Variants in SLC25A21 observed in about 807,000 individuals in gnomAD.
SLC25A21 encodes the protein mitochondrial 2-oxodicarboxylate carrier.
A neutral mutation model predicts 43.8 loss-of-function variants in SLC25A21; 47 were observed. That is an observed-to-expected ratio of 1.07 (90% CI 0.85 to 1.37). The LOEUF (loss-of-function observed/expected upper bound fraction) is 1.37, where lower values mean the gene tolerates loss of function less well. Among genes scored for constraint, SLC25A21 ranks in the 40% most tolerant of loss-of-function variants. SLC25A21 has a pLI of 0.00. For missense variants in SLC25A21, 352 were observed against 350.2 expected, an observed-to-expected ratio of 1.00 and a Z score of -0.04; for synonymous variants, 131 against 121.3, an observed-to-expected ratio of 1.08 and a Z score of -0.52.
intron 2 of SLC25A21, among the ~76,000 whole-genome samples, chr14:36,855,025 A>T (rs559795058): frequency 3.3e-5 from 5 of 152,160 alleles, no homozygotes; most frequent in African/African-American, 7.2e-5. Context: ...TCTGTGAAAA[A>T]TTTTTAAAAA....
chr14:36,691,688 G>A (rs964863704), intron 7 of SLC25A21, among the ~76,000 whole-genome samples: 3 of 151,944 alleles, frequency 2.0e-5, no homozygotes, highest in Admixed American at 2.0e-4. Flanking sequence ...ACTGTCTTTA[G>A]AAAAATTAAA....
chr14:36,811,456 GC>G (rs1438018960), intron 3 of SLC25A21, among the ~76,000 whole-genome samples: 1 of 152,130 alleles, frequency 6.6e-6, no homozygotes, highest in African/African-American at 2.4e-5. Flanking sequence ...TTTGAGACCA[GC>G]CTGGCCAACA....
intron 1 of SLC25A21, among the ~76,000 whole-genome samples, chr14:36,886,037 T>G (rs1380870490): frequency 6.6e-6 from 1 of 152,204 alleles, no homozygotes; most frequent in African/African-American, 2.4e-5. Flanking sequence ...AAGGGAACCA[T>G]AGAGGAATGA....
At chr14:36,742,286 C>A (rs1885302366) in intron 3 of SLC25A21, among the ~76,000 whole-genome samples, 1 of 152,106 alleles carries the variant, frequency 6.6e-6, no homozygotes, top group Non-Finnish European at 1.5e-5. Flanking sequence ...GTTTTTTACC[C>A]ACATGCTGTG....
At chr14:37,081,978 G>C (rs1335357343) in intron 1 of SLC25A21, among the ~76,000 whole-genome samples, 1 of 152,110 alleles carries the variant, frequency 6.6e-6, no homozygotes, top group East Asian at 1.9e-4. Flanking sequence ...ATCACCTATA[G>C]AAGTACCCTT....
chr14:36,733,493 T>G (rs1043250164), intron 4 of SLC25A21, among the ~76,000 whole-genome samples: 4 of 152,200 alleles, frequency 2.6e-5, no homozygotes, highest in African/African-American at 9.7e-5. Context: ...TCCTATTAAA[T>G]TGCCACTTTG....
intron 1 of SLC25A21, among the ~76,000 whole-genome samples, chr14:37,054,594 G>C (rs987044426): frequency 6.6e-6 from 1 of 152,096 alleles, no homozygotes; most frequent in Non-Finnish European, 1.5e-5. Context: ...GGCATATGAA[G>C]GGCTCTCAGG....
At chr14:36,970,612 G>A (rs11844187) in intron 1 of SLC25A21, among the ~76,000 whole-genome samples, 3,210 of 152,260 alleles carry the variant, frequency 0.021, 111 homozygotes, top group African/African-American at 0.073. Context: ...TGGGTCAAAA[G>A]TAAAATAACA....
chr14:37,056,446 G>C (rs561789916), intron 1 of SLC25A21, among the ~76,000 whole-genome samples: 1 of 149,398 alleles, frequency 6.7e-6, no homozygotes, highest in East Asian at 2.0e-4. Context: ...AGCCGAGATC[G>C]CGCCACTGCA....
chr14:36,942,311 A>ATTG (rs1456562727), intron 1 of SLC25A21, among the ~76,000 whole-genome samples: 1 of 152,206 alleles, frequency 6.6e-6, no homozygotes, highest in Non-Finnish European at 1.5e-5. Context: ...ACACAAAAAT[A>ATTG]TGCCATACAT....
intron 1 of SLC25A21, among the ~76,000 whole-genome samples, chr14:36,943,569 C>A (rs1892616694): frequency 1.3e-5 from 2 of 152,126 alleles, no homozygotes; most frequent in African/African-American, 2.4e-5. Context: ...TCTAAGTATT[C>A]ACACTATTGG....
At chr14:37,021,627 T>C (rs1256959001) in intron 1 of SLC25A21, among the ~76,000 whole-genome samples, 1 of 151,940 alleles carries the variant, frequency 6.6e-6, no homozygotes, top group African/African-American at 2.4e-5. Context: ...CTGAGCTCTC[T>C]AACAGATTTT....
chr14:36,873,523 T>C (rs940029097), intron 2 of SLC25A21, among the ~76,000 whole-genome samples: 1 of 152,152 alleles, frequency 6.6e-6, no homozygotes, highest in Non-Finnish European at 1.5e-5. Context: ...CTCAAACTCC[T>C]GAACTCAGAT....
At chr14:37,068,730 T>C (rs1314205463) in intron 1 of SLC25A21, among the ~76,000 whole-genome samples, 1 of 152,196 alleles carries the variant, frequency 6.6e-6, no homozygotes, top group Non-Finnish European at 1.5e-5. Flanking sequence ...AATTGACTTA[T>C]TAACACCTGA....
At chr14:36,850,815 ATT>A (rs1180978125) in intron 2 of SLC25A21, among the ~76,000 whole-genome samples, 7 of 152,166 alleles carry the variant, frequency 4.6e-5, no homozygotes, top group Admixed American at 3.9e-4. Context: ...AAGAAGCAAT[ATT>A]TTGGTCTTGA....
chr14:37,107,997 C>T (rs1269342669), intron 1 of SLC25A21, among the ~76,000 whole-genome samples: 7 of 152,082 alleles, frequency 4.6e-5, no homozygotes, highest in African/African-American at 1.7e-4. Flanking sequence ...TTGAACAATA[C>T]ATTGTATAGT....
chr14:37,153,920 A>C (rs1184637262), intron 1 of SLC25A21, among the ~76,000 whole-genome samples: 1 of 152,144 alleles, frequency 6.6e-6, no homozygotes, highest in East Asian at 1.9e-4. Flanking sequence ...CAACATGAAC[A>C]CACACCACTC....
intron 1 of SLC25A21, among the ~76,000 whole-genome samples, chr14:36,945,138 G>A (rs902778490): frequency 2.0e-5 from 3 of 152,044 alleles, no homozygotes; most frequent in African/African-American, 7.2e-5. Context: ...AAGAAGAAGT[G>A]GTTACCCAGT....
chr14:37,151,916 T>G (rs908629012), intron 1 of SLC25A21, among the ~76,000 whole-genome samples: 2 of 152,070 alleles, frequency 1.3e-5, no homozygotes, highest in Non-Finnish European at 2.9e-5. Context: ...GTGCCTGTAA[T>G]CCCAGCTACT....
Sources: gnomAD v4.1 joint callset for allele counts (sites outside exome capture counted in the v4.1 genomes callset) on GRCh38, gnomAD v4.1.1 for gene constraint, MANE v1.5 for transcripts, NCBI Gene and HGNC (gene_info 2026-07-23, HGNC 2026-07-21) for gene names.